The following GEMIN2 variants were observed in gnomAD, a reference collection of about 807,000 sequenced individuals.
The protein encoded by GEMIN2 is gem nuclear organelle associated protein 2.
A neutral mutation model predicts 45.8 loss-of-function variants in GEMIN2; 37 were observed. The ratio of observed to expected loss-of-function variants is 0.81; its 90% confidence interval spans 0.62 to 1.06. The LOEUF is 1.06. Among genes scored for constraint, GEMIN2 ranks in the 50% least tolerant of loss-of-function variants. The probability of loss-of-function intolerance (pLI) is 0.00; values close to 1 mark genes in which losing one functional copy is unlikely to be tolerated. For synonymous variants in GEMIN2, 101 were observed against 111.5 expected (o/e 0.91, Z 0.60); for missense variants, 335 against 321.8 (o/e 1.04, Z -0.31).
At chr14:39,127,629 T>C (rs919629187) in intron 6 of GEMIN2, among the ~76,000 whole-genome samples, 1 of 150,798 alleles carries the variant, frequency 6.6e-6, no homozygotes, top group African/African-American at 2.4e-5. Context: ...CAAGAGCCAC[T>C]GAGCCTGGCC....
intron 7 of GEMIN2, among the ~76,000 whole-genome samples, chr14:39,131,019 C>T (rs1057022904): frequency 3.3e-5 from 5 of 151,310 alleles, no homozygotes; most frequent in Non-Finnish European, 7.4e-5. Flanking sequence ...GTTGTACAGC[C>T]GGGCATGGTG....
intron 9 of GEMIN2, among the ~76,000 whole-genome samples, chr14:39,134,941 C>T (rs1428681022): frequency 6.6e-6 from 1 of 152,198 alleles, no homozygotes. Context: ...TATAGTATCT[C>T]TACTCTTTAC....
intron 4 of GEMIN2, 144 bp from the exon 5 acceptor site, chr14:39,122,286 G>A (rs1282360923): frequency 1.7e-6 from 1 of 596,756 alleles, no homozygotes; most frequent in African/African-American, 1.9e-5. Context: ...ATACAAATTT[G>A]GGGGCAGAGA....
At chr14:39,126,511 G>T (rs2052642909) in intron 6 of GEMIN2, among the ~76,000 whole-genome samples, 2 of 152,070 alleles carry the variant, frequency 1.3e-5, no homozygotes. Context: ...TATTCTCTTG[G>T]AAATAATACA....
intron 7 of GEMIN2, among the ~76,000 whole-genome samples, chr14:39,131,250 T>C (rs2052711477): frequency 6.6e-6 from 1 of 152,110 alleles, no homozygotes; most frequent in South Asian, 2.1e-4. Context: ...TGAGCCGAGA[T>C]CGCGCCATTG....
At chr14:39,131,009 G>T (rs924665737) in intron 7 of GEMIN2, among the ~76,000 whole-genome samples, 1 of 151,674 alleles carries the variant, frequency 6.6e-6, no homozygotes, top group African/African-American at 2.4e-5. Flanking sequence ...TTGAAAAAAG[G>T]TTGTACAGCC....
At chr14:39,126,382 G>C (rs1264989157) in intron 6 of GEMIN2, among the ~76,000 whole-genome samples, 1 of 151,866 alleles carries the variant, frequency 6.6e-6, no homozygotes, top group Non-Finnish European at 1.5e-5. Flanking sequence ...GTCTCACTGT[G>C]TTGTCCAGGC....
intron 6 of GEMIN2, among the ~76,000 whole-genome samples, chr14:39,127,453 C>T (rs1431821073): frequency 2.6e-5 from 4 of 151,294 alleles, no homozygotes; most frequent in Non-Finnish European, 4.4e-5. Flanking sequence ...AGGGATTCCC[C>T]GGCCTCAGCC....
chr14:39,133,430 TA>T lies in GEMIN2; in HGVS notation c.712-230del, dbSNP rs1484979986. Reference sequence around the variant, plus strand: ...AAGTTATCCCCCTTAGATCCCTCTTTATTTTTTTTTCCCTATTCAGAATCTT... The same window carrying T: ...AAGTTATCCCCCTTAGATCCCTCTTTTTTTTTTTTCCCTATTCAGAATCTT... On this transcript the variant is annotated intron_variant, in intron 8 of 9. Coordinates refer to ENST00000308317, the MANE Select transcript of GEMIN2 (RefSeq NM_003616.3). 9.3e-5 allele frequency among the ~76,000 whole-genome samples: 14 copies of T among 150,588 alleles called. No homozygotes were observed. In the East Asian group the frequency reaches 2.7e-3, roughly 29 times the overall value.
At chr14:39,125,089 A>G in intron 6 of GEMIN2, 53 bp downstream of exon 6, 1 of 884,684 alleles carries the variant, frequency 1.1e-6, no homozygotes. Context: ...TGTGTGTGAA[A>G]GTATTTGAAT....
At chr14:39,126,320 A>C (rs1890032055) in intron 6 of GEMIN2, among the ~76,000 whole-genome samples, 1 of 151,236 alleles carries the variant, frequency 6.6e-6, no homozygotes, top group South Asian at 2.1e-4. Flanking sequence ...CTGGGACCAC[A>C]GGCATGTGCT....
At chr14:39,132,449 C>T (rs1300074165) in intron 8 of GEMIN2, among the ~76,000 whole-genome samples, 1 of 151,926 alleles carries the variant, frequency 6.6e-6, no homozygotes, top group Non-Finnish European at 1.5e-5. Flanking sequence ...GAGAATCGTT[C>T]GAACCCAGGA....
intron 9 of GEMIN2, 28 bp downstream of exon 9, chr14:39,133,747 A>G (rs755436606): frequency 1.6e-6 from 2 of 1,281,866 alleles, no homozygotes; most frequent in South Asian, 2.7e-5. Context: ...CTTCTTTATT[A>G]TTTATCAGTG....
chr14:39,118,075 C>CA lies in GEMIN2; in HGVS notation c.301dup (p.Thr101AsnfsTer10). On this transcript the variant is annotated frameshift_variant, in exon 3 of 10. Transcript: ENST00000308317. LOFTEE classifies it high-confidence loss of function. ...CAACAGCAACAAGTGGCACAGTTTT[C>CA]AACTGTTCGACAGGTAAGTGTCATA... The CA allele has an allele frequency of 6.3e-7, 1 of 1,583,690 alleles. No individual in the cohort carries two copies. Among genetic ancestry groups the CA allele is most frequent in the Non-Finnish European group, 8.7e-7 (1 of 1,154,846 alleles).
intron 9 of GEMIN2, among the ~76,000 whole-genome samples, chr14:39,135,308 G>A (rs759044444): frequency 2.6e-5 from 4 of 152,044 alleles, no homozygotes; most frequent in Admixed American, 2.0e-4. Flanking sequence ...AAAAAGGACC[G>A]GGCATGGTGG....
At position 39,125,525 on chromosome 14, in the gene GEMIN2, G is replaced by A. The variant is rs960315023; in HGVS notation, c.531+489G>A. On this transcript the variant is annotated intron_variant, in intron 6 of 9. Coordinates refer to ENST00000308317, the MANE Select transcript of GEMIN2 (RefSeq NM_003616.3). ...TTGTCATGTTGGCCACGTTGGTCTC[G>A]AACTCCTGGCCTCAACTGATCCACC... Among the ~76,000 whole-genome samples, 12 of 151,876 alleles carry A rather than the reference G, an allele frequency of 7.9e-5. No individual in the cohort carries two copies. The South Asian group carries it at 1.0e-3, about 13-fold the overall frequency.
intron 1 of GEMIN2, among the ~76,000 whole-genome samples, 166 bp from the exon 2 acceptor site, chr14:39,114,660 TTTG>T (rs2052478645): frequency 6.6e-6 from 1 of 152,230 alleles, no homozygotes. Context: ...TGCTCTTAGA[TTTG>T]TTTTCAATCC....
intron 7 of GEMIN2, among the ~76,000 whole-genome samples, chr14:39,128,655 T>TTTTTTTG (rs1049943440): frequency 2.0e-5 from 3 of 151,564 alleles, no homozygotes; most frequent in Admixed American, 6.6e-5. Flanking sequence ...CACGCCCAGT[T>TTTTTTTG]TTTTTTGTTT....
chr14:39,136,165 A>G (rs2052778868), intron 9 of GEMIN2, among the ~76,000 whole-genome samples: 4 of 152,258 alleles, frequency 2.6e-5, no homozygotes, highest in African/African-American at 9.6e-5. Flanking sequence ...GGTAGCATAC[A>G]GAACAATCTG....
Sources: allele counts gnomAD v4.1 joint callset (sites outside exome capture counted in the v4.1 genomes callset), GRCh38; gene constraint gnomAD v4.1.1; transcripts MANE v1.5; gene names NCBI Gene and HGNC (gene_info 2026-07-23, HGNC 2026-07-21).